MORC1: variants seen among roughly 807,000 people sequenced by gnomAD.
The protein encoded by MORC1 is MORC family CW-type zinc finger protein 1.
A neutral mutation model predicts 134.9 loss-of-function variants in MORC1; 59 were observed. The observed-to-expected ratio is 0.44, with a 90% CI of 0.35 to 0.54. The LOEUF is 0.54. MORC1 is among the 20% of genes least tolerant of loss of function. The pLI, the probability that MORC1 is intolerant of heterozygous loss-of-function variation, is 0.00. For synonymous variants in MORC1, 395 were observed against 391.7 expected (o/e 1.01, Z -0.10); for missense variants, 947 against 1,134.5 (o/e 0.83, Z 2.37).
At chr3:109,064,862 C>A (rs1464355746) in intron 9 of MORC1, among the ~76,000 whole-genome samples, 1 of 152,084 alleles carries the variant, frequency 6.6e-6, no homozygotes, top group Non-Finnish European at 1.5e-5. Flanking sequence ...AGTGTGCCTA[C>A]TATGATATGA....
chr3:108,989,449 T>G (rs986409401), intron 21 of MORC1, among the ~76,000 whole-genome samples: 46 of 152,276 alleles, frequency 3.0e-4, no homozygotes, highest in African/African-American at 1.1e-3. Flanking sequence ...CCAAGGGATG[T>G]GATGGATCAA....
chr3:109,040,435 A>T (rs28887315), intron 14 of MORC1, among the ~76,000 whole-genome samples: 1 of 35,006 alleles, frequency 2.9e-5, no homozygotes, highest in African/African-American at 6.4e-5. Flanking sequence ...AAGGAAAGAA[A>T]GAAAGAAAGA....
chr3:109,089,974 G>A (rs1240581427), intron 8 of MORC1, among the ~76,000 whole-genome samples: 4 of 152,114 alleles, frequency 2.6e-5, no homozygotes, highest in South Asian at 2.1e-4. Flanking sequence ...TATAGCCCTG[G>A]AACCTATGTA....
chr3:109,005,291 T>C lies in MORC1; in HGVS notation c.1792A>G (p.Arg598Gly). The C allele has an allele frequency of 2.5e-6, 4 of 1,595,316 alleles. No homozygotes were observed. Among genetic ancestry groups the C allele is most frequent in the South Asian group, 1.2e-5 (1 of 86,162 alleles). Residue 598 changes from arginine to glycine, a missense_variant, in exon 19 of 28, where the codon AGG (arginine) becomes GGG (glycine). Arg to Gly is a moderately radical substitution (Grantham distance 125, BLOSUM62 -2). Coordinates refer to ENST00000232603, the MANE Select transcript of MORC1 (RefSeq NM_014429.4). ...TGCTTCAAGTCATCGCCCAAAAGCC[T>C]GATTTTCTGGGTTTTGGTATTTTCC... Reference protein sequence around the residue: ...HKENTKTQKIRLLGDDLKHES... With the variant: ...HKENTKTQKIGLLGDDLKHES...
chr3:109,023,071 CT>C (rs1453564252), intron 17 of MORC1, among the ~76,000 whole-genome samples: 2 of 151,696 alleles, frequency 1.3e-5, no homozygotes, highest in African/African-American at 2.4e-5. Flanking sequence ...GAAGGAGATA[CT>C]TTTCCAAGTA....
rs896885986 is a variant in MORC1 at position 109,072,679 on chromosome 3, G to T, written c.690-2922C>A. ...AAATAAAGCCGTCCACTTAGGAAAG[G>T]GAGATAAAAACATGCTAAATCGTCA... On this transcript the variant is annotated intron_variant, in intron 8 of 27. Transcript: ENST00000232603. 2.6e-5 allele frequency among the ~76,000 whole-genome samples: 4 copies of T among 152,130 alleles called. No homozygotes were observed. The South Asian group carries it at 8.3e-4, about 32-fold the overall frequency.
chr3:109,021,458 G>C (rs1291019371), intron 17 of MORC1, among the ~76,000 whole-genome samples: 1 of 152,214 alleles, frequency 6.6e-6, no homozygotes, highest in East Asian at 1.9e-4. Context: ...GCCTGCAACT[G>C]TCAAAGCTAT....
chr3:109,050,600 A>T (rs1949801463), intron 14 of MORC1, among the ~76,000 whole-genome samples: 2 of 152,220 alleles, frequency 1.3e-5, no homozygotes, highest in Admixed American at 1.3e-4. Flanking sequence ...CATTCAGACC[A>T]TAGCACCACC....
chr3:109,006,948 G>T, intron 18 of MORC1, 81 bp downstream of exon 18: 1 of 1,100,316 alleles, frequency 9.1e-7, no homozygotes, highest in Non-Finnish European at 1.3e-6. Flanking sequence ...AAACCATGAT[G>T]ACAGTTGGCC....
chr3:109,082,511 T>C (rs1950542987), intron 8 of MORC1, among the ~76,000 whole-genome samples: 1 of 152,050 alleles, frequency 6.6e-6, no homozygotes, highest in African/African-American at 2.4e-5. Context: ...ATAATAGTTT[T>C]AAGGAAACTC....
chr3:109,098,386 C>T (rs1357592595), intron 6 of MORC1, among the ~76,000 whole-genome samples: 1 of 152,118 alleles, frequency 6.6e-6, no homozygotes, highest in Non-Finnish European at 1.5e-5. Flanking sequence ...TAAATGCTTA[C>T]AGCATCACTT....
chr3:109,024,095 G>A (rs1179069992), intron 17 of MORC1, among the ~76,000 whole-genome samples: 1 of 152,120 alleles, frequency 6.6e-6, no homozygotes, highest in Non-Finnish European at 1.5e-5. Flanking sequence ...TCTTGAATTT[G>A]AGCTCTCCTA....
chr3:109,090,984 A>G (rs1559946587), intron 8 of MORC1, among the ~76,000 whole-genome samples: 1 of 152,084 alleles, frequency 6.6e-6, no homozygotes, highest in Non-Finnish European at 1.5e-5. Context: ...GACTCAGAAA[A>G]AAGACCCACC....
intron 17 of MORC1, among the ~76,000 whole-genome samples, chr3:109,016,946 T>C (rs1948829143): frequency 6.6e-6 from 1 of 152,180 alleles, no homozygotes; most frequent in Non-Finnish European, 1.5e-5. Flanking sequence ...TTTACTGGCT[T>C]TTTCCTCTTA....
chr3:109,025,388 T>C (rs1366158007), intron 17 of MORC1, among the ~76,000 whole-genome samples: 17 of 88,476 alleles, frequency 1.9e-4, no homozygotes, highest in Non-Finnish European at 2.1e-4. Flanking sequence ...TCTTTTTTTT[T>C]TTTTTTTTTT....
intron 6 of MORC1, among the ~76,000 whole-genome samples, chr3:109,099,085 G>A (rs1313426657): frequency 6.6e-6 from 1 of 152,050 alleles, no homozygotes; most frequent in Non-Finnish European, 1.5e-5. Flanking sequence ...GATTTTGCAG[G>A]TTTCTTCTAA....
At chr3:109,104,654 T>C (rs1021011091) in intron 3 of MORC1, among the ~76,000 whole-genome samples, 5 of 152,014 alleles carry the variant, frequency 3.3e-5, no homozygotes, top group African/African-American at 9.7e-5. Flanking sequence ...AGTAAGACTT[T>C]GTCTCTAAAA....
chr3:109,016,198 A>T (rs142164600), intron 17 of MORC1, among the ~76,000 whole-genome samples: 1 of 152,288 alleles, frequency 6.6e-6, no homozygotes, highest in East Asian at 1.9e-4. Context: ...TTGAATTTCA[A>T]ATTTTCAGAT....
At chr3:109,042,507 G>T (rs1183765333) in intron 14 of MORC1, among the ~76,000 whole-genome samples, 1 of 152,150 alleles carries the variant, frequency 6.6e-6, no homozygotes, top group Admixed American at 6.5e-5. Flanking sequence ...TAGCCATTAT[G>T]AAAAATAATA....
Sources: allele counts gnomAD v4.1 joint callset (sites outside exome capture counted in the v4.1 genomes callset), GRCh38; gene constraint gnomAD v4.1.1; transcripts MANE v1.5; gene names NCBI Gene and HGNC (gene_info 2026-07-23, HGNC 2026-07-21).